CTNNA2: variants seen among roughly 807,000 people sequenced by gnomAD.
CTNNA2 encodes catenin alpha 2, also known as catenin alpha-2.
In CTNNA2, 42 loss-of-function variants were observed where a neutral mutation model predicts 101.0. The observed-to-expected ratio is 0.42, with a 90% CI of 0.32 to 0.54. The LOEUF (loss-of-function observed/expected upper bound fraction) is 0.54, where lower values mean the gene tolerates loss of function less well. Among genes scored for constraint, CTNNA2 ranks in the 20% least tolerant of loss-of-function variants. The pLI is 0.14. For synonymous variants in CTNNA2, 450 were observed against 456.4 expected, an observed-to-expected ratio of 0.99 and a Z score of 0.18; for missense variants, 871 against 1,223.1, an observed-to-expected ratio of 0.71 and a Z score of 4.29.
At chr2:80,585,120 C>CT (rs34627889) in intron 14 of CTNNA2, among the ~76,000 whole-genome samples, 10,413 of 152,088 alleles carry the variant, frequency 0.068, 607 homozygotes, top group African/African-American at 0.16. Context: ...TTGCTCTAGG[C>CT]TAAGAAATGA....
At chr2:80,293,815 G>A (rs1675481768) in intron 7 of CTNNA2, among the ~76,000 whole-genome samples, 2 of 152,290 alleles carry the variant, frequency 1.3e-5, no homozygotes, top group Admixed American at 6.5e-5. Flanking sequence ...TTGGTGTTAG[G>A]GGTATTTGGA....
intron 6 of CTNNA2, among the ~76,000 whole-genome samples, chr2:79,906,531 T>C (rs953269484): frequency 2.6e-5 from 4 of 152,244 alleles, no homozygotes; most frequent in African/African-American, 9.6e-5. Flanking sequence ...AGGGAGATTT[T>C]TTAAAAAGCT....
intron 4 of CTNNA2, among the ~76,000 whole-genome samples, chr2:79,377,824 C>T (rs1677994824): frequency 6.6e-6 from 1 of 152,096 alleles, no homozygotes; most frequent in South Asian, 2.1e-4. Context: ...CATCCCTTTC[C>T]CTTTCTTATC....
intron 2 of CTNNA2, among the ~76,000 whole-genome samples, chr2:79,718,672 T>C (rs1193473035): frequency 1.3e-5 from 2 of 152,210 alleles, no homozygotes; most frequent in Non-Finnish European, 2.9e-5. Context: ...ATTAAGACCG[T>C]ATATACACAT....
At chr2:80,417,869 AC>A (rs1388095306) in intron 8 of CTNNA2, among the ~76,000 whole-genome samples, 2 of 152,132 alleles carry the variant, frequency 1.3e-5, no homozygotes, top group Non-Finnish European at 2.9e-5. Flanking sequence ...ATTTTTGTGC[AC>A]ATTATCTTCC....
At position 79,981,770 on chromosome 2, in the gene CTNNA2, T is replaced by C. The variant is rs1344460400; in HGVS notation, c.1056+71973T>C. ...TTGCCCATTATTTATTTCGTAAATT[T>C]TTTATGTTCAGATTTTTAAGTGTAA... On this transcript the variant is annotated intron_variant, in intron 7 of 18. Coordinates refer to ENST00000402739, the MANE Select transcript of CTNNA2 (RefSeq NM_001282597.3). Among the ~76,000 whole-genome samples the C allele has an allele frequency of 2.0e-5, 3 of 152,306 alleles. No individual in the cohort carries two copies. The East Asian group carries it at 5.8e-4, about 29-fold the overall frequency.
chr2:79,649,722 C>G (rs1681085125), intron 1 of CTNNA2, among the ~76,000 whole-genome samples: 1 of 152,138 alleles, frequency 6.6e-6, no homozygotes, highest in Non-Finnish European at 1.5e-5. Context: ...TGAAGAAACC[C>G]AAATCTAAAT....
chr2:80,392,133 A>G (rs1440932869), intron 7 of CTNNA2, among the ~76,000 whole-genome samples: 2 of 152,084 alleles, frequency 1.3e-5, no homozygotes, highest in Admixed American at 6.5e-5. Flanking sequence ...ACATTTAGAA[A>G]CCTGTTGGAT....
chr2:80,309,279 T>G (rs188622178), intron 7 of CTNNA2, among the ~76,000 whole-genome samples: 178 of 152,290 alleles, frequency 1.2e-3, no homozygotes, highest in Non-Finnish European at 1.1e-3. Flanking sequence ...TTACCTTCAT[T>G]TTAACTATCC....
rs192713454 is a variant in CTNNA2, at chr2:79,840,455, T to C, written c.299-17558T>C. ...TCTTTTTCTTTCTTGTATTTGTTTATTTATTTTGACTCAGAGGTTTTCCTT... is the reference window on the plus strand; with the variant it reads ...TCTTTTTCTTTCTTGTATTTGTTTACTTATTTTGACTCAGAGGTTTTCCTT... On this transcript the variant is annotated intron_variant, in intron 3 of 18. Transcript: ENST00000402739. 2.4e-3 allele frequency among the ~76,000 whole-genome samples: 361 copies of C among 152,336 alleles called. 2 individuals are homozygous for C. Among genetic ancestry groups the C allele is most frequent in the African/African-American group, 8.2e-3 (339 of 41,574 alleles).
chr2:80,054,824 T>G (rs1310650065), intron 7 of CTNNA2, among the ~76,000 whole-genome samples: 6 of 152,128 alleles, frequency 3.9e-5, no homozygotes, highest in Non-Finnish European at 8.8e-5. Flanking sequence ...CTGAAGTACC[T>G]GAGGTGAGGT....
At chr2:80,328,387 C>T (rs750584451) in intron 7 of CTNNA2, 15 of 470,790 alleles carry the variant, frequency 3.2e-5, no homozygotes, top group Non-Finnish European at 6.2e-5. Context: ...GAAAGTGACT[C>T]TCCATAGGGG....
chr2:80,564,792 A>C (rs1693906806), intron 12 of CTNNA2, among the ~76,000 whole-genome samples: 1 of 152,212 alleles, frequency 6.6e-6, no homozygotes, highest in South Asian at 2.1e-4. Context: ...AGGTAGAAAC[A>C]GCTGACAAAT....
chr2:80,465,486 C>T (rs969968089), intron 9 of CTNNA2, among the ~76,000 whole-genome samples: 5 of 152,066 alleles, frequency 3.3e-5, no homozygotes, highest in Non-Finnish European at 7.4e-5. Context: ...CACATGTTGC[C>T]AGGAACAGGT....
At chr2:80,017,061 T>C (rs1694200181) in intron 7 of CTNNA2, among the ~76,000 whole-genome samples, 2 of 152,202 alleles carry the variant, frequency 1.3e-5, no homozygotes, top group Admixed American at 6.5e-5. Flanking sequence ...GGCAAAAACG[T>C]TGGGCCAACT....
At chr2:79,951,334 A>G (rs1442962091) in intron 7 of CTNNA2, among the ~76,000 whole-genome samples, 7 of 152,172 alleles carry the variant, frequency 4.6e-5, no homozygotes, top group Admixed American at 4.6e-4. Context: ...CAGGGTTAGT[A>G]ATCTTTTCCC....
At chr2:79,401,354 A>T (rs10192424) in intron 4 of CTNNA2, among the ~76,000 whole-genome samples, 62,533 of 150,968 alleles carry the variant, frequency 0.41, 13,964 homozygotes, top group Non-Finnish European at 0.49. Flanking sequence ...TTTTTAAAAC[A>T]CTTTTCTTCT....
intron 6 of CTNNA2, among the ~76,000 whole-genome samples, chr2:79,881,749 A>G (rs1031120641): frequency 7.3e-5 from 11 of 149,874 alleles, no homozygotes; most frequent in Admixed American, 3.3e-4. Flanking sequence ...ATGGGTCTTG[A>G]CTCTTCATTC....
At chr2:79,486,607 G>T (rs996538927) in intron 4 of CTNNA2, among the ~76,000 whole-genome samples, 9 of 152,076 alleles carry the variant, frequency 5.9e-5, no homozygotes, top group Non-Finnish European at 1.2e-4. Context: ...GGATGGCTGG[G>T]TCAAATGCTA....
Sources: gnomAD v4.1 joint callset for allele counts (sites outside exome capture counted in the v4.1 genomes callset) on GRCh38, gnomAD v4.1.1 for gene constraint, MANE v1.5 for transcripts, NCBI Gene and HGNC (gene_info 2026-07-23, HGNC 2026-07-21) for gene names.